Variants in TAFA1 observed in about 807,000 individuals in gnomAD.
The protein encoded by TAFA1 is TAFA chemokine like family member 1, also known as chemokine-like protein TAFA-1.
TAFA1 carries 4 observed loss-of-function variants against 18.5 expected under a neutral mutation model. The observed-to-expected ratio is 0.22, with a 90% CI of 0.11 to 0.49. TAFA1 has a LOEUF of 0.49. Among genes scored for constraint, TAFA1 ranks in the 20% least tolerant of loss-of-function variants. TAFA1 has a pLI of 0.98. For missense variants in TAFA1, 147 were observed against 169.0 expected (o/e 0.87, Z 0.72); for synonymous variants, 56 against 55.2 (o/e 1.01, Z -0.06).
At chr3:68,461,360 C>CATATATATATATATATAT (rs5849840) in intron 3 of TAFA1, among the ~76,000 whole-genome samples, 2,284 of 105,928 alleles carry the variant, frequency 0.022, 49 homozygotes, top group Non-Finnish European at 0.028. Flanking sequence ...AATGAAAGTG[C>CATATATATATATATATAT]ATATATATAT....
intron 2 of TAFA1, among the ~76,000 whole-genome samples, chr3:68,059,192 T>C (rs2064571738): frequency 6.6e-6 from 1 of 152,144 alleles, no homozygotes; most frequent in African/African-American, 2.4e-5. Context: ...ATAATAATAG[T>C]AGCAATAGCA....
chr3:68,186,320 A>C (rs1398630047), intron 2 of TAFA1, among the ~76,000 whole-genome samples: 3 of 152,028 alleles, frequency 2.0e-5, no homozygotes, highest in Non-Finnish European at 4.4e-5. Flanking sequence ...CCCTTTCCGC[A>C]GAAGTACCCA....
At chr3:68,414,451 T>A (rs900172917) in intron 2 of TAFA1, among the ~76,000 whole-genome samples, 5 of 152,110 alleles carry the variant, frequency 3.3e-5, no homozygotes, top group African/African-American at 1.2e-4. Flanking sequence ...GCACAACCAC[T>A]TGTGAAAAGA....
At chr3:68,083,288 A>G (rs1049671716) in intron 2 of TAFA1, among the ~76,000 whole-genome samples, 2 of 152,212 alleles carry the variant, frequency 1.3e-5, no homozygotes, top group African/African-American at 4.8e-5. Flanking sequence ...ATTAACTTCT[A>G]AGTAGTTAAA....
At chr3:68,083,746 T>G (rs966855623) in intron 2 of TAFA1, among the ~76,000 whole-genome samples, 2 of 152,190 alleles carry the variant, frequency 1.3e-5, no homozygotes, top group African/African-American at 2.4e-5. Flanking sequence ...TTCTGGCATC[T>G]TTTCTTGTTT....
At chr3:68,119,572 G>GTT (rs199706499) in intron 2 of TAFA1, among the ~76,000 whole-genome samples, 4 of 126,700 alleles carry the variant, frequency 3.2e-5, no homozygotes, top group African/African-American at 1.1e-4. Flanking sequence ...GTCCAACTTC[G>GTT]TTTTTTTTTT....
chr3:68,096,429 T>C (rs2065087621), intron 2 of TAFA1, among the ~76,000 whole-genome samples: 1 of 152,260 alleles, frequency 6.6e-6, no homozygotes. Context: ...ATTTTACAGA[T>C]CAGGAAACTG....
chr3:68,238,012 T>C (rs1267153314), intron 2 of TAFA1, among the ~76,000 whole-genome samples: 1 of 151,988 alleles, frequency 6.6e-6, no homozygotes, highest in African/African-American at 2.4e-5. Flanking sequence ...CCTTTTTCCA[T>C]GAAGGCGAAG....
chr3:68,351,754 A>G (rs2069274959), intron 2 of TAFA1, among the ~76,000 whole-genome samples: 1 of 151,914 alleles, frequency 6.6e-6, no homozygotes, highest in South Asian at 2.1e-4. Context: ...TTCCTCTGGT[A>G]TCATCTCCAG....
chr3:68,038,784 A>C (rs1705106154), intron 2 of TAFA1, among the ~76,000 whole-genome samples: 1 of 152,206 alleles, frequency 6.6e-6, no homozygotes, highest in Non-Finnish European at 1.5e-5. Context: ...TTTAGCCAAG[A>C]TGTTTTTGAA....
chr3:68,243,090 G>A (rs1282926794), intron 2 of TAFA1, among the ~76,000 whole-genome samples: 4 of 150,510 alleles, frequency 2.7e-5, no homozygotes, highest in South Asian at 2.1e-4. Flanking sequence ...TTTTTTTTTC[G>A]AGACAAGGTC....
At chr3:68,388,233 A>G (rs1303157342) in intron 2 of TAFA1, among the ~76,000 whole-genome samples, 2 of 152,162 alleles carry the variant, frequency 1.3e-5, no homozygotes, top group African/African-American at 4.8e-5. Flanking sequence ...TGAACACGTT[A>G]GTATCACTAG....
At chr3:68,335,820 A>C (rs1383967296) in intron 2 of TAFA1, among the ~76,000 whole-genome samples, 1 of 152,358 alleles carries the variant, frequency 6.6e-6, no homozygotes, top group African/African-American at 2.4e-5. Flanking sequence ...TTAGAAAAGA[A>C]GAAAATCTCA....
chr3:68,073,714 G>C (rs986399010), intron 2 of TAFA1, among the ~76,000 whole-genome samples: 1 of 152,074 alleles, frequency 6.6e-6, no homozygotes, highest in African/African-American at 2.4e-5. Flanking sequence ...GGTGAGAGTA[G>C]CACAGCAGTT....
rs148568695 is a variant in TAFA1 at position 68,465,648 on chromosome 3, T to C, written c.259+48228T>C. ...CTTGCTCTCCTGCTGGTGAAATCTGTTCCAAAGTTAACTCACTGGACAAGG... is the reference window on the plus strand; with the variant it reads ...CTTGCTCTCCTGCTGGTGAAATCTGCTCCAAAGTTAACTCACTGGACAAGG... On this transcript the variant is annotated intron_variant, in intron 3 of 4. Transcript: ENST00000478136. Among the ~76,000 whole-genome samples, 976 of 152,264 alleles carry C rather than the reference T, an allele frequency of 6.4e-3. 13 individuals carry two copies. Among genetic ancestry groups the C allele is most frequent in the African/African-American group, 0.022 (904 of 41,576 alleles).
chr3:68,347,763 A>G (rs562552189), intron 2 of TAFA1, among the ~76,000 whole-genome samples: 4 of 152,240 alleles, frequency 2.6e-5, no homozygotes, highest in Non-Finnish European at 5.9e-5. Context: ...TTTTAATCAT[A>G]TCATATATTC....
chr3:68,499,550 A>C (rs375641405), intron 3 of TAFA1, among the ~76,000 whole-genome samples: 19 of 151,354 alleles, frequency 1.3e-4, no homozygotes, highest in African/African-American at 4.6e-4. Flanking sequence ...TGAAAAGGTA[A>C]GCTAAAATAC....
intron 2 of TAFA1, among the ~76,000 whole-genome samples, chr3:68,283,115 G>C (rs1019673753): frequency 2.0e-5 from 3 of 152,154 alleles, no homozygotes; most frequent in African/African-American, 7.2e-5. Context: ...GAACAATAAA[G>C]AGATGTAATT....
At chr3:68,000,543 T>A (rs143896039), upstream of TAFA1, among the ~76,000 whole-genome samples, 1 of 152,316 alleles carries the variant, frequency 6.6e-6, no homozygotes, top group African/African-American at 2.4e-5. Flanking sequence ...GGTGGGTCAG[T>A]TCATGCAGAG....
Sources: gnomAD v4.1 joint callset for allele counts (sites outside exome capture counted in the v4.1 genomes callset) on GRCh38, gnomAD v4.1.1 for gene constraint, MANE v1.5 for transcripts, NCBI Gene and HGNC (gene_info 2026-07-23, HGNC 2026-07-21) for gene names.